DPP4: variants seen among roughly 807,000 people sequenced by gnomAD.
DPP4 encodes the protein ADCP-2.
A neutral mutation model predicts 122.4 loss-of-function variants in DPP4; 93 were observed. That is an observed-to-expected ratio of 0.76 (90% CI 0.64 to 0.90). DPP4 has a LOEUF of 0.90. DPP4 is among the 40% of genes least tolerant of loss of function. The pLI is 0.00. For synonymous variants in DPP4, 321 were observed against 302.9 expected (o/e 1.06, Z -0.62); for missense variants, 914 against 907.3 (o/e 1.01, Z -0.09).
rs1300578181 is a variant in DPP4 at position 161,993,366 on chromosome 2, G to T, written c.2218C>A (p.His740Asn). ...FQAMWYTDED[H>N]GIASSTAHQH... ...TGTGCTGTGCTGCTAGCTATTCCAT[G>T]GTCTTCATCAGTATACCACTAGAGA... Residue 740 changes from histidine to asparagine, a missense_variant, in exon 26 of 26, where the codon CAT (histidine) becomes AAT (asparagine). By Grantham distance (68) the His-to-Asn change is moderately conservative. Transcript: ENST00000360534. 1.2e-6 allele frequency: 2 copies of T among 1,612,526 alleles called. No individual in the cohort carries two copies. The highest frequency in any genetic ancestry group is 8.5e-7 in the Non-Finnish European group (1 of 1,179,004).
chr2:162,073,268 G>A, intron 2 of DPP4, 131 bp downstream of exon 2: 1 of 823,858 alleles, frequency 1.2e-6, no homozygotes, highest in African/African-American at 1.7e-5. Context: ...CAACAACTGG[G>A]AAGCCTTCTC....
At chr2:162,047,861 T>G (rs1449554107) in intron 2 of DPP4, among the ~76,000 whole-genome samples, 2 of 152,242 alleles carry the variant, frequency 1.3e-5, no homozygotes, top group Admixed American at 6.5e-5. Flanking sequence ...GCACATTTTA[T>G]TTAGCCCAAT....
intron 22 of DPP4, among the ~76,000 whole-genome samples, chr2:162,008,023 T>C (rs185381672): frequency 2.0e-5 from 3 of 152,018 alleles, no homozygotes; most frequent in Non-Finnish European, 4.4e-5. Context: ...CTTTGAGAAT[T>C]GTAGTCTTAG....
intron 8 of DPP4, among the ~76,000 whole-genome samples, chr2:162,035,931 C>G (rs778093871): frequency 1.2e-4 from 18 of 152,148 alleles, no homozygotes; most frequent in Non-Finnish European, 1.9e-4. Context: ...ACACACTGCT[C>G]TGGTGTATAT....
At chr2:162,073,589 A>G in intron 1 of DPP4, 103 bp from the exon 2 acceptor site, 4 of 1,059,278 alleles carry the variant, frequency 3.8e-6, no homozygotes, top group Non-Finnish European at 5.8e-6. Context: ...TGCAGGTGGG[A>G]GTGCGTTAGA....
Position 161,993,257 on chromosome 2 carries a change from T to C in DPP4, c.*26A>G. 1 of 1,558,232 alleles carries C rather than the reference T, an allele frequency of 6.4e-7. No homozygotes were observed. The highest frequency in any genetic ancestry group is 1.7e-5 in the Admixed American group (1 of 59,846). ...AAAACAAAAATGAGTTTTAATAAGC[T>C]TTAAATGGCATGGTATTTTGAGGTG... On this transcript the variant is annotated 3_prime_UTR_variant, in exon 26 of 26. Coordinates refer to ENST00000360534, the MANE Select transcript of DPP4 (RefSeq NM_001935.4).
chr2:162,022,882 G>C, intron 11 of DPP4, 83 bp from the exon 12 acceptor site: 2 of 1,350,416 alleles, frequency 1.5e-6, no homozygotes, highest in Non-Finnish European at 2.1e-6. Flanking sequence ...AATATAAATA[G>C]AGCTGTACTT....
intron 17 of DPP4, 22 bp from the exon 18 acceptor site, chr2:162,016,888 C>T: frequency 6.3e-7 from 1 of 1,588,190 alleles, no homozygotes; most frequent in South Asian, 1.2e-5. Context: ...CAGGAGACAG[C>T]AGTCATTCAT....
intron 8 of DPP4, among the ~76,000 whole-genome samples, chr2:162,036,229 A>G (rs1249254366): frequency 6.6e-6 from 1 of 152,216 alleles, no homozygotes; most frequent in Non-Finnish European, 1.5e-5. Flanking sequence ...CTAGAATCTT[A>G]GGGTTGGGAA....
chr2:162,047,286 C>A (rs1018765663), intron 3 of DPP4, 117 bp downstream of exon 3: 5 of 569,264 alleles, frequency 8.8e-6, no homozygotes, highest in Non-Finnish European at 1.5e-5. Context: ...AAAAAAAACT[C>A]TCTATAGAAT....
At chr2:162,017,297 C>T (rs2106096937) in intron 16 of DPP4, 142 bp from the exon 17 acceptor site, 2 of 680,920 alleles carry the variant, frequency 2.9e-6, no homozygotes, top group South Asian at 4.5e-5. Flanking sequence ...AAGTTTAATA[C>T]ATGTTAGCTG....
intron 20 of DPP4, among the ~76,000 whole-genome samples, chr2:162,009,916 G>C (rs1182621915): frequency 1.3e-5 from 2 of 152,018 alleles, no homozygotes; most frequent in African/African-American, 4.8e-5. Context: ...TCCAGGTAAA[G>C]AAATAAGAAA....
chr2:162,058,173 T>C (rs1559725150), intron 2 of DPP4, among the ~76,000 whole-genome samples: 1 of 152,230 alleles, frequency 6.6e-6, no homozygotes, highest in Non-Finnish European at 1.5e-5. Context: ...GTGATGAAAT[T>C]AAATAATTAG....
chr2:162,045,584 T>A lies in DPP4; in HGVS notation c.314A>T (p.Tyr105Phe). The A allele has an allele frequency of 6.2e-7, 1 of 1,612,806 alleles. No individual in the cohort carries two copies. The highest frequency in any genetic ancestry group is 8.5e-7 in the Non-Finnish European group (1 of 1,179,034). ...FDEFGHSINDYSISPDGQFIL... is the reference protein window; with the variant it reads ...FDEFGHSINDFSISPDGQFIL... ...AAACTGCCCATCAGGAGATATTGAA[T>A]AATCATTGATAGAATGTCCAAACTC... The change falls in exon 5 of 26, where the codon TAT (tyrosine) becomes TTT (phenylalanine). Residue 105 changes from tyrosine to phenylalanine, a missense_variant. Physicochemically the swap from Tyr to Phe is conservative, Grantham distance 22. Transcript: ENST00000360534.
intron 23 of DPP4, among the ~76,000 whole-genome samples, chr2:161,999,961 T>C (rs1440395653): frequency 6.6e-6 from 1 of 152,140 alleles, no homozygotes; most frequent in Non-Finnish European, 1.5e-5. Flanking sequence ...TTAAGTAGCC[T>C]CCTCAAACTC....
chr2:162,023,820 TC>T (rs1683222736), intron 11 of DPP4, among the ~76,000 whole-genome samples: 1 of 152,210 alleles, frequency 6.6e-6, no homozygotes, highest in Non-Finnish European at 1.5e-5. Context: ...CAAACGTTGA[TC>T]CTCAGCTTCC....
chr2:162,058,543 A>G (rs1388391375), intron 2 of DPP4, among the ~76,000 whole-genome samples: 2 of 152,214 alleles, frequency 1.3e-5, no homozygotes, highest in African/African-American at 2.4e-5. Flanking sequence ...CAAGCTTTGC[A>G]CTTGAATAAA....
chr2:162,013,213 A>AT (rs1682769775), intron 19 of DPP4, among the ~76,000 whole-genome samples: 1 of 152,072 alleles, frequency 6.6e-6, no homozygotes, highest in Non-Finnish European at 1.5e-5. Flanking sequence ...TAAATTTACC[A>AT]TTTTTTAAAA....
At chr2:162,045,134 CTT>C (rs1684127654) in intron 5 of DPP4, among the ~76,000 whole-genome samples, 1 of 151,752 alleles carries the variant, frequency 6.6e-6, no homozygotes, top group African/African-American at 2.4e-5. Flanking sequence ...GACTTTAACT[CTT>C]TTAAAAACAC....
Sources: gnomAD v4.1 joint callset for allele counts (sites outside exome capture counted in the v4.1 genomes callset) on GRCh38, gnomAD v4.1.1 for gene constraint, MANE v1.5 for transcripts, NCBI Gene and HGNC (gene_info 2026-07-23, HGNC 2026-07-21) for gene names.